Variants in ANKAR observed in about 807,000 individuals in gnomAD.
ANKAR encodes the protein ankyrin and armadillo repeat-containing protein.
Under a neutral mutation model 146.2 loss-of-function variants are expected in ANKAR, and 136 were observed. The observed-to-expected ratio is 0.93, with a 90% confidence interval of 0.81 to 1.07. The LOEUF (loss-of-function observed/expected upper bound fraction) is 1.07. ANKAR is among the 50% of genes least tolerant of loss of function. The pLI, the probability that ANKAR is intolerant of heterozygous loss-of-function variation, is 0.00. For missense variants in ANKAR, 1,567 were observed against 1,679.9 expected, an observed-to-expected ratio of 0.93 and a Z score of 1.18; for synonymous variants, 500 against 575.8, an observed-to-expected ratio of 0.87 and a Z score of 1.88.
intron 2 of ANKAR, 101 bp from the exon 3 acceptor site, chr2:189,689,426 G>A: frequency 6.0e-6 from 6 of 995,586 alleles, no homozygotes; most frequent in Non-Finnish European, 8.8e-6. Flanking sequence ...TGTCGTGATA[G>A]TAGGATTTCA....
intron 19 of ANKAR, among the ~76,000 whole-genome samples, chr2:189,740,797 G>A (rs1435454649): frequency 2.0e-5 from 3 of 151,932 alleles, no homozygotes; most frequent in Non-Finnish European, 4.4e-5. Context: ...AGGTACAAGC[G>A]ATTCTCCTGC....
At chr2:189,732,876 C>A (rs948279716) in intron 16 of ANKAR, among the ~76,000 whole-genome samples, 2 of 152,054 alleles carry the variant, frequency 1.3e-5, no homozygotes, top group Non-Finnish European at 2.9e-5. Context: ...TCAAATGGAG[C>A]TCTGTGGTTG....
At chr2:189,759,532 G>A (rs965425762) in intron 18 of ANKAR, among the ~76,000 whole-genome samples, 1 of 152,190 alleles carries the variant, frequency 6.6e-6, no homozygotes, top group Non-Finnish European at 1.5e-5. Flanking sequence ...TTACAGGCGT[G>A]AGCCACAGCG....
chr2:189,741,888 G>A (rs191717197), intron 20 of ANKAR, among the ~76,000 whole-genome samples: 32 of 152,216 alleles, frequency 2.1e-4, no homozygotes, highest in African/African-American at 5.8e-4. Context: ...CTATAAGTAC[G>A]TTGATGACAA....
rs761021740 is a variant in ANKAR at position 189,696,234 on chromosome 2, A to G, written c.1573A>G (p.Thr525Ala). The change falls in exon 7 of 23, where the codon ACA becomes GCA. Residue 525 changes from threonine to alanine, a missense_variant. Coordinates refer to ENST00000684021, the MANE Select transcript of ANKAR (RefSeq NM_001378068.1). Reference sequence around the variant, plus strand: ...ATTTAGCCGTAAAACCTCAAGCTCAACAATCAATGTTTCAGATGAAGCAGG... The same window carrying G: ...ATTTAGCCGTAAAACCTCAAGCTCAGCAATCAATGTTTCAGATGAAGCAGG... ...HTFSRKTSSS[T>A]INVSDEAGYT... 6.8e-6 allele frequency: 11 copies of G among 1,614,038 alleles called. No individual in the cohort carries two copies. The highest frequency in any genetic ancestry group is 8.5e-6 in the Non-Finnish European group (10 of 1,180,014).
chr2:189,743,000 T>G (rs2043598668), intron 20 of ANKAR, among the ~76,000 whole-genome samples: 1 of 145,370 alleles, frequency 6.9e-6, no homozygotes, highest in Admixed American at 6.9e-5. Context: ...GGATTCTGAT[T>G]TAGTTGGTGG....
At chr2:189,754,705 T>G in intron 18 of ANKAR, 1 of 251,230 alleles carries the variant, frequency 4.0e-6, no homozygotes, top group Non-Finnish European at 7.5e-6. Flanking sequence ...GTTTGTTTGT[T>G]TGTTTTCCTA....
At chr2:189,721,365 G>C (rs1310727960) in intron 12 of ANKAR, among the ~76,000 whole-genome samples, 1 of 152,068 alleles carries the variant, frequency 6.6e-6, no homozygotes, top group Admixed American at 6.6e-5. Context: ...AGTTTAATTA[G>C]ACATGTTTAT....
intron 18 of ANKAR, among the ~76,000 whole-genome samples, chr2:189,755,876 T>A (rs2045995572): frequency 6.6e-6 from 1 of 152,104 alleles, no homozygotes; most frequent in Non-Finnish European, 1.5e-5. Context: ...CAGGAAAAAA[T>A]TGTATTTAAG....
At position 189,737,852 on chromosome 2, in the gene ANKAR, G is replaced by C; in HGVS notation, c.3582+11G>C. On this transcript the variant is annotated intron_variant, in intron 18 of 22. Coordinates refer to ENST00000684021, the MANE Select transcript of ANKAR (RefSeq NM_001378068.1). ...ATGGCAGCATTTCAGGTATAAAATT[G>C]AGATTAACACCTCAAATTAATAAAT... The C allele has an allele frequency of 6.5e-7, 1 of 1,527,942 alleles. No homozygotes were observed. Among genetic ancestry groups the C allele is most frequent in the Non-Finnish European group, 8.7e-7 (1 of 1,145,648 alleles). The allele number at this position is 1,527,942 out of a possible 1,614,324, so 94.6% of individuals were successfully genotyped here.
At chr2:189,704,173 G>A (rs923772354) in intron 7 of ANKAR, among the ~76,000 whole-genome samples, 33 of 146,926 alleles carry the variant, frequency 2.2e-4, no homozygotes, top group Admixed American at 6.2e-4. Flanking sequence ...ATGGAGTCTC[G>A]CTCTATTGCC....
intron 19 of ANKAR, among the ~76,000 whole-genome samples, chr2:189,740,395 A>G (rs2043214185): frequency 6.6e-6 from 1 of 152,230 alleles, no homozygotes; most frequent in Admixed American, 6.5e-5. Flanking sequence ...GGCTTATAAT[A>G]GAGGCCAGAC....
intron 10 of ANKAR, among the ~76,000 whole-genome samples, chr2:189,718,899 G>A (rs2256708): frequency 0.98 from 148,521 of 151,342 alleles, 72,934 homozygotes; most frequent in South Asian, 1. Context: ...ACAGGCGCCC[G>A]CCACCGCGCC....
At chr2:189,762,873 A>T, downstream of ANKAR, 1 of 985,446 alleles carries the variant, frequency 1.0e-6, no homozygotes, top group Non-Finnish European at 1.2e-6. Flanking sequence ...AGAAAAGCTT[A>T]AAGGCCGTCT....
Position 189,732,917 on chromosome 2 carries a change from G to T in ANKAR, c.3301-190G>T, listed in dbSNP as rs1264668384. 3.9e-5 allele frequency among the ~76,000 whole-genome samples: 6 copies of T among 152,168 alleles called. No homozygotes were observed. The East Asian group carries it at 1.2e-3, about 29-fold the overall frequency. On this transcript the variant is annotated intron_variant, in intron 16 of 22. Transcript: ENST00000684021. ...TGAACACAGAAAGGATATTTTCTCA[G>T]CTATTAAAAATTATGAGGGAGTTGT... is the stretch of plus-strand genomic sequence containing the variant.
intron 7 of ANKAR, among the ~76,000 whole-genome samples, chr2:189,699,711 G>A (rs2037774158): frequency 1.3e-5 from 2 of 152,264 alleles, no homozygotes; most frequent in South Asian, 2.1e-4. Flanking sequence ...CGAGGCTGGA[G>A]TGCAGTGGTG....
chr2:189,746,437 T>C lies in ANKAR; in HGVS notation c.4115T>C (p.Leu1372Ser), dbSNP rs766417657. The C allele has an allele frequency of 2.5e-6, 4 of 1,610,726 alleles. No individual in the cohort carries two copies. Residue 1372 changes from leucine to serine, a missense_variant, in exon 23 of 23, where the codon TTA (leucine) becomes TCA (serine). Coordinates refer to ENST00000684021, the MANE Select transcript of ANKAR (RefSeq NM_001378068.1). ...ATTCAACCAAAAGATTCTTTGACTT[T>C]ATTACCTCCTGTAACTAACTTCATG... ...PKIQPKDSLT[L>S]LPPVTNFMGL... is the part of the protein sequence containing the mutation.
chr2:189,717,660 C>G (rs1032659155), intron 10 of ANKAR, among the ~76,000 whole-genome samples: 20 of 152,258 alleles, frequency 1.3e-4, no homozygotes, highest in Admixed American at 4.6e-4. Context: ...TGGCACTATT[C>G]ACAATAGCAA....
chr2:189,758,271 T>C (rs1346290685), intron 18 of ANKAR, among the ~76,000 whole-genome samples: 1 of 151,788 alleles, frequency 6.6e-6, no homozygotes. Context: ...ATCCCAGCTA[T>C]TCTGAAGGCT....
Sources: gnomAD v4.1 joint callset for allele counts (sites outside exome capture counted in the v4.1 genomes callset) on GRCh38, gnomAD v4.1.1 for gene constraint, MANE v1.5 for transcripts, NCBI Gene and HGNC (gene_info 2026-07-23, HGNC 2026-07-21) for gene names.